SLC39A11: variants seen among roughly 807,000 people sequenced by gnomAD.
The protein encoded by SLC39A11 is zinc transporter ZIP11.
A neutral mutation model predicts 36.1 loss-of-function variants in SLC39A11; 33 were observed. That is an observed-to-expected ratio of 0.91 (90% confidence interval 0.69 to 1.22). SLC39A11 has a LOEUF of 1.22. SLC39A11 is among the 50% of genes most tolerant of loss of function. The pLI is 0.00. For synonymous variants in SLC39A11, 166 were observed against 170.3 expected (o/e 0.97, Z 0.20); for missense variants, 432 against 430.3 (o/e 1.00, Z -0.03).
rs139011756 is a variant in SLC39A11 at position 73,075,059 on chromosome 17, C to T, written c.147+9749G>A. Among the ~76,000 whole-genome samples, 428 of 152,312 alleles carry T rather than the reference C, an allele frequency of 2.8e-3. 1 individual carries two copies. The highest frequency in any genetic ancestry group is 7.1e-3 in the Admixed American group (108 of 15,300). On this transcript the variant is annotated intron_variant, in intron 3 of 9. Transcript: ENST00000255559. ...ATGGTGATCCCCGATGTTTCAGCCA[C>T]TCCAAATTCATCCAGATGTCTTTTG...
chr17:73,047,990 A>ATATAT (rs1287618070), intron 3 of SLC39A11, among the ~76,000 whole-genome samples: 4 of 58,702 alleles, frequency 6.8e-5, no homozygotes, highest in Non-Finnish European at 1.2e-4. Context: ...AAAAAAAAAA[A>ATATAT]ATATATATAT....
rs70938142 is a variant in SLC39A11 at position 73,050,323 on chromosome 17, CA to C, written c.148-18610del. Among the ~76,000 whole-genome samples the C allele has an allele frequency of 6.0e-3, 594 of 98,812 alleles. 9 individuals carry two copies. Among genetic ancestry groups the C allele is most frequent in the Admixed American group, 0.03 (274 of 9,220 alleles). The allele number at this position is 98,812 out of a possible 152,430, so 64.8% of individuals were successfully genotyped here. A position where few individuals can be genotyped will look rare whatever the true frequency, so the allele number is the denominator to read the frequency against. On this transcript the variant is annotated intron_variant, in intron 3 of 9. Coordinates refer to ENST00000255559, the MANE Select transcript of SLC39A11 (RefSeq NM_139177.4). ...CAGAACAAGTTTGGTCTGTTTGTGG[CA>C]AAAAAAAAAAAAAAAAAAAGACCTT...
chr17:72,990,872 T>C (rs1392231215), intron 4 of SLC39A11, among the ~76,000 whole-genome samples: 5 of 152,250 alleles, frequency 3.3e-5, no homozygotes, highest in South Asian at 4.1e-4. Flanking sequence ...ATTACTGTTA[T>C]ACAAAGTACG....
intron 5 of SLC39A11, among the ~76,000 whole-genome samples, chr17:72,869,894 T>C (rs899772231): frequency 2.0e-5 from 3 of 152,048 alleles, no homozygotes; most frequent in African/African-American, 4.8e-5. Flanking sequence ...TTCCCACAAA[T>C]AACTGGTCAC....
intron 4 of SLC39A11, among the ~76,000 whole-genome samples, chr17:73,004,232 A>AAAAGAAAGAAAG (rs59543378): frequency 0.029 from 2,575 of 88,604 alleles, 365 homozygotes; most frequent in African/African-American, 0.076. Context: ...AGAAAGAAAG[A>AAAAGAAAGAAAG]AAAGAAAGAA....
At chr17:72,698,459 C>CAAAAAAA (rs61454778) in intron 7 of SLC39A11, among the ~76,000 whole-genome samples, 4 of 92,998 alleles carry the variant, frequency 4.3e-5, no homozygotes, top group Non-Finnish European at 7.6e-5. Flanking sequence ...TAATAAAAAC[C>CAAAAAAA]AAAAAAAAAA....
intron 5 of SLC39A11, among the ~76,000 whole-genome samples, chr17:72,856,262 T>C (rs1035880675): frequency 2.6e-5 from 4 of 152,212 alleles, no homozygotes; most frequent in Non-Finnish European, 2.9e-5. Flanking sequence ...TATTTATTTA[T>C]GGGGCAAATG....
At chr17:73,007,086 A>G (rs1426090735) in intron 4 of SLC39A11, among the ~76,000 whole-genome samples, 1 of 152,212 alleles carries the variant, frequency 6.6e-6, no homozygotes, top group African/African-American at 2.4e-5. Context: ...CTAAGCAACC[A>G]CGCAGCACGG....
intron 5 of SLC39A11, among the ~76,000 whole-genome samples, chr17:72,861,778 A>C (rs1460187081): frequency 6.3e-5 from 6 of 94,692 alleles, no homozygotes; most frequent in African/African-American, 2.2e-4. Context: ...ATATATATAT[A>C]TATATCCAAT....
At chr17:72,877,935 C>T (rs1424762856) in intron 5 of SLC39A11, among the ~76,000 whole-genome samples, 4 of 151,290 alleles carry the variant, frequency 2.6e-5, no homozygotes, top group Non-Finnish European at 2.9e-5. Flanking sequence ...CATCATTTAG[C>T]GTTAAGTATA....
At chr17:72,963,395 C>G (rs954980704) in intron 4 of SLC39A11, among the ~76,000 whole-genome samples, 5 of 151,920 alleles carry the variant, frequency 3.3e-5, no homozygotes, top group Admixed American at 1.3e-4. Context: ...TGGTCTTGAT[C>G]TCCTGACCTC....
At chr17:72,827,048 A>G (rs79536692) in intron 6 of SLC39A11, among the ~76,000 whole-genome samples, 1 of 152,346 alleles carries the variant, frequency 6.6e-6, no homozygotes, top group East Asian at 1.9e-4. Context: ...CTTGTACATG[A>G]AAGTACAGAG....
chr17:72,929,599 T>C (rs989517253), intron 5 of SLC39A11, among the ~76,000 whole-genome samples: 4 of 152,114 alleles, frequency 2.6e-5, no homozygotes. Context: ...ATTAAAAAAT[T>C]CCCAAATATT....
At chr17:72,680,707 G>A (rs373238939) in intron 7 of SLC39A11, among the ~76,000 whole-genome samples, 7 of 152,274 alleles carry the variant, frequency 4.6e-5, no homozygotes, top group African/African-American at 1.7e-4. Context: ...AAAACTACAC[G>A]CATGTGGCCT....
intron 7 of SLC39A11, among the ~76,000 whole-genome samples, chr17:72,682,143 T>C (rs1048582580): frequency 6.9e-6 from 1 of 145,362 alleles, no homozygotes; most frequent in Non-Finnish European, 1.5e-5. Flanking sequence ...CTGTCCCCCA[T>C]CACCCCTAGA....
chr17:72,751,265 G>A lies in SLC39A11; in HGVS notation c.602-14546C>T, dbSNP rs115075495. ...TCCATCTCAAAACAAAAAAGTGAGC[G>A]TACAATATTGGTGTGCTAACATATG... On this transcript the variant is annotated intron_variant, in intron 6 of 9. Transcript: ENST00000255559. Among the ~76,000 whole-genome samples the A allele has an allele frequency of 1.7e-3, 254 of 152,136 alleles. 1 individual carries two copies. The highest frequency in any genetic ancestry group is 5.4e-3 in the African/African-American group (226 of 41,512).
intron 7 of SLC39A11, among the ~76,000 whole-genome samples, chr17:72,708,016 C>T (rs2072961671): frequency 1.3e-5 from 2 of 152,320 alleles, no homozygotes; most frequent in East Asian, 3.9e-4. Context: ...AATCTGCTTG[C>T]CAAGTCCATT....
intron 7 of SLC39A11, among the ~76,000 whole-genome samples, chr17:72,712,296 T>A (rs1369142316): frequency 6.6e-6 from 1 of 152,230 alleles, no homozygotes; most frequent in African/African-American, 2.4e-5. Flanking sequence ...TGCCTGCCTA[T>A]TTGAGCTAGC....
At chr17:72,892,317 G>C (rs773716605) in intron 5 of SLC39A11, among the ~76,000 whole-genome samples, 17 of 151,614 alleles carry the variant, frequency 1.1e-4, no homozygotes, top group Non-Finnish European at 2.1e-4. Flanking sequence ...GGCTGAGGTA[G>C]GAGAATTGCT....
Sources: allele counts gnomAD v4.1 joint callset (sites outside exome capture counted in the v4.1 genomes callset), GRCh38; gene constraint gnomAD v4.1.1; transcripts MANE v1.5; gene names NCBI Gene and HGNC (gene_info 2026-07-23, HGNC 2026-07-21).